SCN4A: variants seen among roughly 807,000 people sequenced by gnomAD.
The protein encoded by SCN4A is sodium channel protein type 4 subunit alpha.
A neutral mutation model predicts 162.0 loss-of-function variants in SCN4A; 83 were observed. The ratio of observed to expected loss-of-function variants is 0.51; its 90% CI spans 0.43 to 0.61. The LOEUF is 0.61. SCN4A is among the 20% of genes least tolerant of loss of function. The pLI is 0.00. For synonymous variants in SCN4A, 944 were observed against 985.1 expected (o/e 0.96, Z 0.78); for missense variants, 2,196 against 2,462.5 (o/e 0.89, Z 2.29).
chr17:63,950,074 G>A lies in SCN4A; in HGVS notation c.2854-546C>T, dbSNP rs1208277743. Among the ~76,000 whole-genome samples the A allele has an allele frequency of 1.3e-5, 2 of 152,258 alleles. No homozygotes were observed. Among genetic ancestry groups the A allele is most frequent in the East Asian group, 1.9e-4 (1 of 5,168 alleles). On this transcript the variant is annotated intron_variant, in intron 14 of 23. Transcript: ENST00000435607. The surrounding 1 kb of genome is among the most constrained non-coding windows in gnomAD (Gnocchi z 4.6). ...AGGGAACCTGATCAGTGTTGGGAGC[G>A]GGAGTGGGGGAGGCGGGTGCTCCAG... is the stretch of plus-strand genomic sequence containing the variant.
Position 63,947,860 on chromosome 17 carries a change from T to C in SCN4A, c.3318+30A>G, listed in dbSNP as rs201460009. On this transcript the variant is annotated intron_variant, in intron 17 of 23. Coordinates refer to ENST00000435607, the MANE Select transcript of SCN4A (RefSeq NM_000334.4). Reference sequence around the variant, plus strand: ...CCGCCACACTGACAGCCTCTGGATGTAGCTACGGGGCCAGCGTGGGGGGAC... The same window carrying C: ...CCGCCACACTGACAGCCTCTGGATGCAGCTACGGGGCCAGCGTGGGGGGAC... The C allele has an allele frequency of 8.1e-5, 130 of 1,608,976 alleles. No homozygotes were observed. The African/African-American group carries it at 1.5e-3, about 18-fold the overall frequency.
At chr17:63,954,701 T>C (rs1263327996) in intron 13 of SCN4A, among the ~76,000 whole-genome samples, 3 of 152,180 alleles carry the variant, frequency 2.0e-5, no homozygotes, top group Non-Finnish European at 2.9e-5. Flanking sequence ...GGGGAGGTGG[T>C]GGGAGGGGAC....
Position 63,957,356 on chromosome 17 carries a change from C to G in SCN4A, c.2182G>C (p.Glu728Gln). 1.9e-5 allele frequency: 31 copies of G among 1,614,118 alleles called. No homozygotes were observed. Among genetic ancestry groups the G allele is most frequent in the Non-Finnish European group, 2.6e-5 (31 of 1,179,962 alleles). Reference sequence around the variant, plus strand: ...TCCAAGGCAATCTTGCACACGCACTCCTTGTAGCTCTTGCCAAACAGCTGC... The same window carrying G: ...TCCAAGGCAATCTTGCACACGCACTGCTTGTAGCTCTTGCCAAACAGCTGC... ...GMQLFGKSYKECVCKIALDCN... is the reference protein window; with the variant it reads ...GMQLFGKSYKQCVCKIALDCN... The change falls in exon 13 of 24, where the codon GAG becomes CAG. Residue 728 changes from glutamate (E) to glutamine (Q), a missense_variant. By Grantham distance (29) the Glu-to-Gln change is conservative. Coordinates refer to ENST00000435607, the MANE Select transcript of SCN4A (RefSeq NM_000334.4).
intron 12 of SCN4A, among the ~76,000 whole-genome samples, chr17:63,958,506 TTCTC>T (rs1292040510): frequency 2.0e-5 from 3 of 152,214 alleles, no homozygotes; most frequent in Non-Finnish European, 4.4e-5. Flanking sequence ...TCATTATACT[TTCTC>T]TATACTTTTG....
Position 63,968,450 on chromosome 17 carries a change from T to A in SCN4A, c.704-95A>T, listed in dbSNP as rs575711587. The A allele has an allele frequency of 6.5e-5, 64 of 980,848 alleles. No homozygotes were observed. In the African/African-American group the frequency reaches 9.0e-4, roughly 14 times the overall value. 60.8% of individuals were successfully genotyped at this position (980,848 alleles called of 1,614,324 possible). ...CACCGCCAAGCTTTTTCCTACTCCA[T>A]CTTCAAGGCTTGACTTACTGAGCAC... is the stretch of plus-strand genomic sequence containing the variant. On this transcript the variant is annotated intron_variant, in intron 5 of 23. Coordinates refer to ENST00000435607, the MANE Select transcript of SCN4A (RefSeq NM_000334.4).
intron 5 of SCN4A, among the ~76,000 whole-genome samples, chr17:63,970,258 A>G (rs1373076228): frequency 6.6e-6 from 1 of 152,142 alleles, no homozygotes; most frequent in Non-Finnish European, 1.5e-5. Flanking sequence ...ACACACGTGT[A>G]TATCACAAAC....
Position 63,945,343 on chromosome 17 carries a change from T to C in SCN4A, c.3720+17A>G, listed in dbSNP as rs751253381. On this transcript the variant is annotated intron_variant, in intron 19 of 23. Coordinates refer to ENST00000435607, the MANE Select transcript of SCN4A (RefSeq NM_000334.4). The surrounding 1 kb of genome is among the most constrained non-coding windows in gnomAD (Gnocchi z 4.4). ...CCTCCATCCAGGTTCCCGGCAGGGG[T>C]GGTGGGTCACACTCACCACCTGCAG... The C allele has an allele frequency of 6.3e-7, 1 of 1,593,914 alleles. No homozygotes were observed. Among genetic ancestry groups the C allele is most frequent in the East Asian group, 2.2e-5 (1 of 44,490 alleles).
rs1567830005 is a variant in SCN4A, at chr17:63,972,858, C to T, written c.-17G>A. ...TCTGGCCATCCTCGCATCCTGGGCT[C>T]AGAGACCAGAAGGGTGGTGGGTGGC... On this transcript the variant is annotated 5_prime_UTR_variant, in exon 1 of 24. Transcript: ENST00000435607. This position sits in a 1 kb window ranked among gnomAD's most constrained non-coding sequence, Gnocchi z 4.3. 3.1e-6 allele frequency: 5 copies of T among 1,594,142 alleles called. No homozygotes were observed. Among genetic ancestry groups the T allele is most frequent in the East Asian group, 2.2e-5 (1 of 44,664 alleles).
Position 63,972,673 on chromosome 17 carries a change from C to T in SCN4A, c.169G>A (p.Asp57Asn), listed in dbSNP as rs1403364987. The change falls in exon 1 of 24, where the codon GAC becomes AAC. Residue 57 changes from aspartate to asparagine, a missense_variant. Transcript: ENST00000435607. This position sits in a 1 kb window ranked among gnomAD's most constrained non-coding sequence, Gnocchi z 4.3. Reference sequence around the variant, plus strand: ...GGTAGGTTCTTGCCAGCCTCCAAGTCACTTCGTGGCTTCCGTTCGGGCTCC... The same window carrying T: ...GGTAGGTTCTTGCCAGCCTCCAAGTTACTTCGTGGCTTCCGTTCGGGCTCC... ...IEEPERKPRS[D>N]LEAGKNLPMI... 1 of 1,613,494 alleles carries T rather than the reference C, an allele frequency of 6.2e-7. No individual in the cohort carries two copies. Among genetic ancestry groups the T allele is most frequent in the Non-Finnish European group, 8.5e-7 (1 of 1,179,660 alleles).
chr17:63,954,691 G>A (rs968985588), intron 13 of SCN4A, among the ~76,000 whole-genome samples: 2 of 152,192 alleles, frequency 1.3e-5, no homozygotes, highest in Non-Finnish European at 2.9e-5. Context: ...TCTGAAGCCT[G>A]GGGAGGTGGT....
Position 63,944,623 on chromosome 17 carries a change from G to A in SCN4A, c.3912+50C>T, listed in dbSNP as rs1241361841. ...CAATGGAGAGTGGACAAAGGAGGCA[G>A]GAGGGAGGCCCAGCACCGGGAGGGC... On this transcript the variant is annotated intron_variant, in intron 21 of 23. Transcript: ENST00000435607. The surrounding 1 kb of genome is among the most constrained non-coding windows in gnomAD (Gnocchi z 4.3). The A allele has an allele frequency of 4.5e-6, 7 of 1,558,156 alleles. No individual in the cohort carries two copies. Among genetic ancestry groups the A allele is most frequent in the African/African-American group, 2.7e-5 (2 of 73,786 alleles).
Position 63,970,512 on chromosome 17 carries a change from G to A in SCN4A, c.703+650C>T, listed in dbSNP as rs533053686. ...AGAGTCTTGTTCTTTTTCCCAGGCT[G>A]GAGTGCAGTGGCAAAATTACAGCTC... On this transcript the variant is annotated intron_variant, in intron 5 of 23. Transcript: ENST00000435607. 3.3e-5 allele frequency among the ~76,000 whole-genome samples: 5 copies of A among 152,256 alleles called. No individual in the cohort carries two copies. In the South Asian group the frequency reaches 1.0e-3, roughly 32 times the overall value.
Position 63,942,892 on chromosome 17 carries a change from G to C in SCN4A, c.4222C>G (p.Arg1408Gly). 6.2e-7 allele frequency: 1 copy of C among 1,614,044 alleles called. No individual in the cohort carries two copies. The highest frequency in any genetic ancestry group is 8.5e-7 in the Non-Finnish European group (1 of 1,179,880). The change falls in exon 23 of 24, where the codon CGC becomes GGC. Residue 1408 changes from arginine to glycine, a missense_variant. Physicochemically the swap from Arg to Gly is moderately radical, Grantham distance 125 (BLOSUM62 -2). Coordinates refer to ENST00000435607, the MANE Select transcript of SCN4A (RefSeq NM_000334.4). ...CAGCCAACGGTGAAGTAGTACTGGC[G>C]CAGGGCGAGCATCTTGAGCACGCAC... ...GECVLKMLAL[R>G]QYYFTVGWNI...
chr17:63,960,042 GAGA>G (rs1402999419), intron 11 of SCN4A, among the ~76,000 whole-genome samples: 1 of 152,234 alleles, frequency 6.6e-6, no homozygotes, highest in Non-Finnish European at 1.5e-5. Context: ...CAAAATCAGT[GAGA>G]AGAAGACCAG....
rs1215570894 is a variant in SCN4A, at chr17:63,945,011, C to T, written c.3770G>A (p.Arg1257Gln). The T allele has an allele frequency of 8.7e-6, 14 of 1,613,676 alleles. No individual in the cohort carries two copies. The highest frequency in any genetic ancestry group is 3.3e-5 in the South Asian group (3 of 91,068). ...MDIMYAAVDS[R>Q]EKEEQPQYEV... ...ATCTCAGCGACCCCGACTCACCTCC[C>T]GGGAGTCCACGGCTGCATACATGAT... The change falls in exon 20 of 24, where the codon CGG becomes CAG. Residue 1257 changes from arginine to glutamine, a missense_variant. Physicochemically the swap from Arg to Gln is conservative, Grantham distance 43 (BLOSUM62 1). Transcript: ENST00000435607. The surrounding 1 kb of genome is among the most constrained non-coding windows in gnomAD (Gnocchi z 4.4).
chr17:63,942,715 G>T, intron 23 of SCN4A, 111 bp downstream of exon 23: 1 of 1,104,024 alleles, frequency 9.1e-7, no homozygotes, highest in Non-Finnish European at 1.3e-6. Flanking sequence ...GCACAGGCAT[G>T]TGTCTGGGTG....
intron 16 of SCN4A, 41 bp from the exon 17 acceptor site, chr17:63,948,104 G>A: frequency 6.5e-7 from 1 of 1,541,150 alleles, no homozygotes; most frequent in Non-Finnish European, 8.8e-7. Flanking sequence ...GGGTCCAGCA[G>A]GCTGGGGTGG....
intron 10 of SCN4A, chr17:63,961,745 C>T: frequency 2.8e-6 from 1 of 354,966 alleles, no homozygotes; most frequent in Admixed American, 4.3e-5. Flanking sequence ...ACCCCTGGAA[C>T]CCCCGCGTCC....
chr17:63,963,536 C>T, intron 10 of SCN4A, 136 bp downstream of exon 10: 1 of 871,900 alleles, frequency 1.1e-6, no homozygotes, highest in Non-Finnish European at 1.6e-6. Context: ...CAGCCAGGCC[C>T]CACCCTGACC....
Sources: allele counts gnomAD v4.1 joint callset (sites outside exome capture counted in the v4.1 genomes callset), GRCh38; gene constraint gnomAD v4.1.1; non-coding constraint Gnocchi (gnomAD v3.1); transcripts MANE v1.5; gene names NCBI Gene and HGNC (gene_info 2026-07-23, HGNC 2026-07-21).